MAML3: variants seen among roughly 807,000 people sequenced by gnomAD.
MAML3 encodes the protein mastermind like transcriptional coactivator 3, also known as mastermind-like protein 3.
Under a neutral mutation model 101.9 loss-of-function variants are expected in MAML3, and 27 were observed. The observed-to-expected ratio is 0.27, with a 90% CI of 0.20 to 0.37. The LOEUF (loss-of-function observed/expected upper bound fraction) is 0.37, where lower values mean the gene tolerates loss of function less well. MAML3 is among the 10% of genes least tolerant of loss of function. The pLI, the probability that MAML3 is intolerant of heterozygous loss-of-function variation, is 1.00. For missense variants in MAML3, 1,316 were observed against 1,444.9 expected (o/e 0.91, Z 1.45); for synonymous variants, 501 against 555.9 (o/e 0.90, Z 1.39).
At chr4:139,981,709 T>C (rs1482031011) in intron 1 of MAML3, among the ~76,000 whole-genome samples, 2 of 152,216 alleles carry the variant, frequency 1.3e-5, no homozygotes, top group African/African-American at 4.8e-5. Flanking sequence ...CAGGGACAGT[T>C]CCTCAGGCTT....
At chr4:140,022,316 C>T (rs1726745438) in intron 1 of MAML3, among the ~76,000 whole-genome samples, 1 of 151,854 alleles carries the variant, frequency 6.6e-6, no homozygotes, top group African/African-American at 2.4e-5. Context: ...TCTGAGTTAC[C>T]CCCAAAAAAC....
intron 1 of MAML3, among the ~76,000 whole-genome samples, chr4:140,099,470 C>T (rs1728217784): frequency 6.6e-6 from 1 of 152,072 alleles, no homozygotes; most frequent in African/African-American, 2.4e-5. Flanking sequence ...ACCATCATAG[C>T]TCACTGCAGT....
intron 1 of MAML3, among the ~76,000 whole-genome samples, chr4:140,011,590 C>T (rs943156604): frequency 4.0e-5 from 6 of 150,698 alleles, no homozygotes; most frequent in South Asian, 2.1e-4. Flanking sequence ...ATGATCCACC[C>T]GCCTCGGCCT....
chr4:139,742,651 T>A (rs1729206474), intron 2 of MAML3, among the ~76,000 whole-genome samples: 1 of 152,170 alleles, frequency 6.6e-6, no homozygotes, highest in South Asian at 2.1e-4. Flanking sequence ...CTCAGCTGTG[T>A]AAAGGAAAAC....
intron 1 of MAML3, among the ~76,000 whole-genome samples, chr4:140,044,131 A>G (rs927903874): frequency 6.6e-6 from 1 of 151,886 alleles, no homozygotes; most frequent in Non-Finnish European, 1.5e-5. Context: ...AAGAAAGAAA[A>G]AAAAAAAGAT....
At chr4:139,889,034 A>C in intron 2 of MAML3, 1 of 444,990 alleles carries the variant, frequency 2.2e-6, no homozygotes, top group East Asian at 5.9e-5. Context: ...CTACAGAGGT[A>C]GTGCCGTGTT....
chr4:140,117,187 A>C (rs1178789444), intron 1 of MAML3, among the ~76,000 whole-genome samples: 1 of 152,206 alleles, frequency 6.6e-6, no homozygotes, highest in Non-Finnish European at 1.5e-5. Flanking sequence ...AATTATGGGG[A>C]AAGCCATTAT....
chr4:139,939,926 A>G (rs1329072178), intron 1 of MAML3, among the ~76,000 whole-genome samples: 2 of 151,860 alleles, frequency 1.3e-5, no homozygotes, highest in Non-Finnish European at 2.9e-5. Context: ...CACCACACCC[A>G]GCTAATTTTT....
At chr4:139,761,127 T>A (rs1292049142) in intron 2 of MAML3, among the ~76,000 whole-genome samples, 1 of 151,986 alleles carries the variant, frequency 6.6e-6, no homozygotes, top group Non-Finnish European at 1.5e-5. Flanking sequence ...CCTGGCAAAT[T>A]TTTGTATTTT....
chr4:140,152,626 G>T (rs1362087407), intron 1 of MAML3, among the ~76,000 whole-genome samples: 1 of 151,584 alleles, frequency 6.6e-6, no homozygotes, highest in Non-Finnish European at 1.5e-5. Context: ...GTCGTGACTG[G>T]CTTCTCCCCT....
chr4:139,773,165 T>C (rs7690044), intron 2 of MAML3, among the ~76,000 whole-genome samples: 1 of 151,872 alleles, frequency 6.6e-6, no homozygotes, highest in Non-Finnish European at 1.5e-5. Context: ...GGCTTCAGGA[T>C]TCTTAGCCTT....
At chr4:139,877,674 G>A (rs918376020) in intron 2 of MAML3, among the ~76,000 whole-genome samples, 18 of 152,112 alleles carry the variant, frequency 1.2e-4, no homozygotes, top group African/African-American at 2.4e-4. Context: ...TCAATGCTGC[G>A]AAAACTTTTT....
At chr4:139,822,302 A>C (rs1730988252) in intron 2 of MAML3, among the ~76,000 whole-genome samples, 1 of 144,134 alleles carries the variant, frequency 6.9e-6, no homozygotes, top group Non-Finnish European at 1.5e-5. Flanking sequence ...CATTGTGGCA[A>C]ATATGGGAGT....
At chr4:139,821,512 C>T (rs1228659808) in intron 2 of MAML3, among the ~76,000 whole-genome samples, 1 of 152,182 alleles carries the variant, frequency 6.6e-6, no homozygotes, top group Non-Finnish European at 1.5e-5. Flanking sequence ...GAAAAATTGT[C>T]GTCTAGGAAA....
intron 1 of MAML3, among the ~76,000 whole-genome samples, chr4:140,143,388 C>A (rs952784503): frequency 3.3e-5 from 5 of 152,174 alleles, no homozygotes; most frequent in African/African-American, 1.2e-4. Flanking sequence ...TTAAAATATG[C>A]CTAGCATTTG....
At chr4:140,062,643 T>G (rs1727466581) in intron 1 of MAML3, among the ~76,000 whole-genome samples, 1 of 152,242 alleles carries the variant, frequency 6.6e-6, no homozygotes, top group Non-Finnish European at 1.5e-5. Context: ...TAATTTGCTG[T>G]ATCTAATCTG....
chr4:140,003,700 G>A (rs1029444892), intron 1 of MAML3, among the ~76,000 whole-genome samples: 2 of 152,162 alleles, frequency 1.3e-5, no homozygotes, highest in African/African-American at 4.8e-5. Flanking sequence ...ACTAACATGT[G>A]CCTCTGAAGG....
At chr4:139,975,782 T>C (rs779741072) in intron 1 of MAML3, among the ~76,000 whole-genome samples, 38 of 152,170 alleles carry the variant, frequency 2.5e-4, no homozygotes, top group African/African-American at 7.2e-4. Context: ...CTAGAGGTTA[T>C]GAAAACTTGG....
intron 2 of MAML3, among the ~76,000 whole-genome samples, chr4:139,806,064 AC>A (rs1730694617): frequency 6.6e-6 from 1 of 152,156 alleles, no homozygotes; most frequent in Non-Finnish European, 1.5e-5. Context: ...AACTCCAAAA[AC>A]ATTTTTAAAA....
Sources: allele counts gnomAD v4.1 joint callset (sites outside exome capture counted in the v4.1 genomes callset), GRCh38; gene constraint gnomAD v4.1.1; transcripts MANE v1.5; gene names NCBI Gene and HGNC (gene_info 2026-07-23, HGNC 2026-07-21).